Variants in MAPRE3 observed in about 807,000 individuals in gnomAD.
The protein encoded by MAPRE3 is microtubule-associated protein RP/EB family member 3.
A neutral mutation model predicts 30.5 loss-of-function variants in MAPRE3; 2 were observed. The ratio of observed to expected loss-of-function variants is 0.07; its 90% CI spans 0.03 to 0.21. The LOEUF is 0.21. Ranked by LOEUF, MAPRE3 falls within the 10% of genes least tolerant of loss-of-function variation. MAPRE3 has a pLI of 1.00. For synonymous variants in MAPRE3, 110 were observed against 127.7 expected (o/e 0.86, Z 0.93); for missense variants, 204 against 351.8 (o/e 0.58, Z 3.36).
intron 1 of MAPRE3, among the ~76,000 whole-genome samples, chr2:26,971,102 G>A (rs547977050): frequency 2.2e-4 from 34 of 152,130 alleles, no homozygotes; most frequent in African/African-American, 8.2e-4. Context: ...CCGCACCTCT[G>A]CCCTGGGCTG....
At position 27,025,870 on chromosome 2, in the gene MAPRE3, C is replaced by T; in HGVS notation, c.625-10C>T. On this transcript the variant is annotated splice_polypyrimidine_tract_variant and intron_variant, in intron 5 of 6. Transcript: ENST00000233121. Reference sequence around the variant, plus strand: ...ACCTCTGGCTTGAACATCACTTTGTCCCCAAGCAGCTGGTGGACTTGAAGC... The same window carrying T: ...ACCTCTGGCTTGAACATCACTTTGTTCCCAAGCAGCTGGTGGACTTGAAGC... 6.2e-7 allele frequency: 1 copy of T among 1,614,126 alleles called. No homozygotes were observed. Among genetic ancestry groups the T allele is most frequent in the Non-Finnish European group, 8.5e-7 (1 of 1,180,012 alleles).
chr2:26,998,245 T>C (rs998025797), intron 1 of MAPRE3, among the ~76,000 whole-genome samples: 2 of 152,200 alleles, frequency 1.3e-5, no homozygotes, highest in African/African-American at 4.8e-5. Context: ...TTTTCTTCTG[T>C]CTCTAAGCTA....
chr2:26,973,508 G>A (rs530107032), intron 1 of MAPRE3, among the ~76,000 whole-genome samples: 1 of 151,846 alleles, frequency 6.6e-6, no homozygotes, highest in South Asian at 2.1e-4. Context: ...CCTGAATTTA[G>A]CCGAGTAACA....
intron 3 of MAPRE3, 53 bp downstream of exon 3, chr2:27,023,530 A>C: frequency 6.2e-7 from 1 of 1,608,646 alleles, no homozygotes; most frequent in Non-Finnish European, 8.5e-7. Context: ...CCTGGGGAAG[A>C]AGAGGACCCA....
At chr2:27,019,515 T>C (rs1478536026) in intron 1 of MAPRE3, among the ~76,000 whole-genome samples, 2 of 152,156 alleles carry the variant, frequency 1.3e-5, no homozygotes, top group Non-Finnish European at 2.9e-5. Context: ...ACTCTTGGCT[T>C]CAAGACATGG....
rs1381048608 is a variant in MAPRE3 at position 27,015,071 on chromosome 2, G to A, written c.-7-7141G>A. 2.0e-5 allele frequency: 3 copies of A among 152,316 alleles called. No homozygotes were observed. The allele number at this position is 152,316 out of a possible 1,614,324, so 9.4% of individuals were successfully genotyped here. On this transcript the variant is annotated intron_variant, in intron 1 of 6. Coordinates refer to ENST00000233121, the MANE Select transcript of MAPRE3 (RefSeq NM_012326.4). The surrounding 1 kb of genome is among the most constrained non-coding windows in gnomAD (Gnocchi z 4.0). ...CAGAGCCCAGCTTTGGGAAGCCCAT[G>A]TGGCTGTCTCAAGGCAAAGCAGCAG...
chr2:27,007,688 C>G (rs1035465860), intron 1 of MAPRE3, among the ~76,000 whole-genome samples: 5 of 152,086 alleles, frequency 3.3e-5, no homozygotes, highest in Admixed American at 6.5e-5. Context: ...ACAGAGGGGG[C>G]CCCTGTTAAT....
intron 1 of MAPRE3, among the ~76,000 whole-genome samples, chr2:26,990,932 T>C (rs1035845105): frequency 2.0e-5 from 3 of 152,180 alleles, no homozygotes; most frequent in Non-Finnish European, 4.4e-5. Context: ...TCCCTGACAC[T>C]CAGTGGGTGC....
intron 1 of MAPRE3, among the ~76,000 whole-genome samples, chr2:26,979,507 G>A (rs957906390): frequency 2.0e-5 from 3 of 152,212 alleles, no homozygotes; most frequent in African/African-American, 4.8e-5. Flanking sequence ...GATGGCTTGA[G>A]CCCAGGAGTT....
intron 1 of MAPRE3, among the ~76,000 whole-genome samples, chr2:26,984,590 G>A (rs1304972175): frequency 1.3e-5 from 2 of 152,220 alleles, no homozygotes; most frequent in East Asian, 3.8e-4. Flanking sequence ...GGAAACATAT[G>A]CTCCAAATAC....
chr2:27,008,653 A>G (rs1258729025), intron 1 of MAPRE3, among the ~76,000 whole-genome samples: 5 of 152,134 alleles, frequency 3.3e-5, no homozygotes, highest in Non-Finnish European at 7.3e-5. Context: ...TACAAACTCC[A>G]AGCAGATTAA....
rs1301047866 is a variant in MAPRE3 at position 26,985,701 on chromosome 2, T to TTATA, written c.-8+14901_-8+14904dup. Among the ~76,000 whole-genome samples, 1 of 152,244 alleles carries TTATA rather than the reference T, an allele frequency of 6.6e-6. No individual in the cohort carries two copies. The highest frequency in any genetic ancestry group is 1.5e-5 in the Non-Finnish European group (1 of 68,046). On this transcript the variant is annotated intron_variant, in intron 1 of 6. Coordinates refer to ENST00000233121, the MANE Select transcript of MAPRE3 (RefSeq NM_012326.4). This position sits in a 1 kb window ranked among gnomAD's most constrained non-coding sequence, Gnocchi z 4.2. ...ATAGGACAAAAGAATAGGTATTACC[T>TTATA]TATATGGCAATAAGTGTTAATTAAG...
At chr2:27,018,221 C>T (rs1458287400) in intron 1 of MAPRE3, among the ~76,000 whole-genome samples, 5 of 152,212 alleles carry the variant, frequency 3.3e-5, no homozygotes, top group Admixed American at 2.0e-4. Context: ...CCAGATCAGC[C>T]CCTCTGAGGC....
intron 1 of MAPRE3, among the ~76,000 whole-genome samples, chr2:27,004,527 T>G (rs1383654161): frequency 6.6e-6 from 1 of 152,118 alleles, no homozygotes; most frequent in African/African-American, 2.4e-5. Context: ...ACTCCCACTT[T>G]TTCCACGTCG....
At chr2:27,008,208 G>A (rs142395498) in intron 1 of MAPRE3, among the ~76,000 whole-genome samples, 80 of 152,298 alleles carry the variant, frequency 5.3e-4, no homozygotes, top group African/African-American at 1.8e-3. Flanking sequence ...ACTAGTGACT[G>A]TAATTCTAAA....
chr2:27,026,378 GCTTCC>G lies in MAPRE3; in HGVS notation c.*32_*36del. The G allele has an allele frequency of 6.4e-7, 1 of 1,568,464 alleles. No homozygotes were observed. The highest frequency in any genetic ancestry group is 8.7e-7 in the Non-Finnish European group (1 of 1,145,598). On this transcript the variant is annotated 3_prime_UTR_variant, in exon 7 of 7. Coordinates refer to ENST00000233121, the MANE Select transcript of MAPRE3 (RefSeq NM_012326.4). ...GGCCGCAGCCCTGGCTGACTGCACA[GCTTCC>G]CCGTGCCTCCCTCCCTGCTCCACTC...
At chr2:26,987,365 G>A (rs566030664) in intron 1 of MAPRE3, among the ~76,000 whole-genome samples, 4 of 152,226 alleles carry the variant, frequency 2.6e-5, no homozygotes, top group East Asian at 1.9e-4. Context: ...GGCTGGGCGC[G>A]GTGGCTCACG....
intron 1 of MAPRE3, among the ~76,000 whole-genome samples, chr2:26,995,989 T>A (rs894318352): frequency 1.3e-5 from 2 of 151,942 alleles, no homozygotes; most frequent in Admixed American, 6.6e-5. Context: ...TCGCCTCTAT[T>A]CCTTGTTATC....
At chr2:27,018,054 C>T (rs985993205) in intron 1 of MAPRE3, among the ~76,000 whole-genome samples, 2 of 152,186 alleles carry the variant, frequency 1.3e-5, no homozygotes, top group African/African-American at 2.4e-5. Flanking sequence ...CAATCAAAAA[C>T]TGGAGGATAT....
Sources: allele counts gnomAD v4.1 joint callset (sites outside exome capture counted in the v4.1 genomes callset), GRCh38; gene constraint gnomAD v4.1.1; non-coding constraint Gnocchi (gnomAD v3.1); transcripts MANE v1.5; gene names NCBI Gene and HGNC (gene_info 2026-07-23, HGNC 2026-07-21).